MAGI2: variants seen among roughly 807,000 people sequenced by gnomAD.
MAGI2 encodes membrane associated guanylate kinase, WW and PDZ domain containing 2, also known as membrane-associated guanylate kinase, WW and PDZ domain-containing protein 2.
MAGI2 carries 35 observed loss-of-function variants against 133.3 expected under a neutral mutation model. The observed-to-expected ratio is 0.26, with a 90% CI of 0.20 to 0.35. The LOEUF is 0.35. Among genes scored for constraint, MAGI2 ranks in the 10% least tolerant of loss-of-function variants. The pLI is 1.00. For synonymous variants in MAGI2, 729 were observed against 710.6 expected (o/e 1.03, Z -0.41); for missense variants, 1,636 against 1,863.4 (o/e 0.88, Z 2.25).
At chr7:78,913,515 C>A (rs1798570515) in intron 2 of MAGI2, among the ~76,000 whole-genome samples, 1 of 152,126 alleles carries the variant, frequency 6.6e-6, no homozygotes, top group African/African-American at 2.4e-5. Flanking sequence ...AAGCTCTTTT[C>A]TTTATAAAGT....
intron 1 of MAGI2, among the ~76,000 whole-genome samples, chr7:79,281,772 T>C (rs574412068): frequency 3.9e-5 from 6 of 152,210 alleles, no homozygotes; most frequent in Non-Finnish European, 8.8e-5. Context: ...GGCAGTATCA[T>C]TTCAGCTAGT....
intron 1 of MAGI2, among the ~76,000 whole-genome samples, chr7:79,235,556 T>C (rs914758528): frequency 1.3e-5 from 2 of 152,202 alleles, no homozygotes; most frequent in Non-Finnish European, 2.9e-5. Context: ...GACCCGATTT[T>C]CCAGGTGCGT....
intron 20 of MAGI2, among the ~76,000 whole-genome samples, chr7:78,084,273 C>T (rs771524898): frequency 6.6e-6 from 1 of 152,142 alleles, no homozygotes; most frequent in Non-Finnish European, 1.5e-5. Context: ...GATCTGAGGT[C>T]ACAGGCTAAT....
chr7:78,576,417 C>T (rs1584708865), intron 3 of MAGI2, among the ~76,000 whole-genome samples: 1 of 152,174 alleles, frequency 6.6e-6, no homozygotes, highest in African/African-American at 2.4e-5. Flanking sequence ...CTCTGATTGC[C>T]TCTGGCCCTC....
Position 79,133,939 on chromosome 7 carries a change from C to A in MAGI2, c.302-126733G>T, listed in dbSNP as rs186717232. On this transcript the variant is annotated intron_variant, in intron 1 of 21. Transcript: ENST00000354212. ...TCACTTTTCAAAATACGTTGGAAAC[C>A]TTTGTCTTTATAGAGCCTCACAATT... is the stretch of plus-strand genomic sequence containing the variant. 2.9e-3 allele frequency among the ~76,000 whole-genome samples: 436 copies of A among 152,246 alleles called. 1 individual carries two copies. The highest frequency in any genetic ancestry group is 4.6e-3 in the Non-Finnish European group (312 of 68,020).
intron 1 of MAGI2, among the ~76,000 whole-genome samples, chr7:79,142,027 TG>T (rs1353802565): frequency 6.6e-6 from 1 of 152,182 alleles, no homozygotes; most frequent in African/African-American, 2.4e-5. Context: ...AAATGTTGGT[TG>T]GGTACAATAG....
At chr7:79,356,327 A>T (rs917644745) in intron 1 of MAGI2, among the ~76,000 whole-genome samples, 1 of 109,932 alleles carries the variant, frequency 9.1e-6, no homozygotes, top group African/African-American at 3.4e-5. Flanking sequence ...CGAATCTCTC[A>T]GCCCCCACAA....
rs150775721 is a variant in MAGI2, at chr7:78,337,394, C to T, written c.1408+6384G>A. Among the ~76,000 whole-genome samples, 76 of 152,298 alleles carry T rather than the reference C, an allele frequency of 5.0e-4. 1 individual carries two copies. In the East Asian group the frequency reaches 0.013, roughly 26 times the overall value. ...TTTTCTCCTGTTCTCCATACCTTCC[C>T]AGGAGTCAGTGCTGACTAAGAAAGA... On this transcript the variant is annotated intron_variant, in intron 9 of 21. Coordinates refer to ENST00000354212, the MANE Select transcript of MAGI2 (RefSeq NM_012301.4).
At chr7:79,439,104 G>A (rs559161962) in intron 1 of MAGI2, among the ~76,000 whole-genome samples, 40 of 151,918 alleles carry the variant, frequency 2.6e-4, no homozygotes, top group African/African-American at 8.7e-4. Flanking sequence ...TCCTACACAG[G>A]CAGATCATCT....
intron 1 of MAGI2, among the ~76,000 whole-genome samples, chr7:79,252,377 G>C (rs1245345161): frequency 6.6e-6 from 1 of 151,998 alleles, no homozygotes; most frequent in African/African-American, 2.4e-5. Context: ...TGATTTGTGA[G>C]AGCTAAAAAT....
intron 1 of MAGI2, among the ~76,000 whole-genome samples, chr7:79,102,013 C>T (rs1024536199): frequency 6.6e-6 from 1 of 151,854 alleles, no homozygotes; most frequent in Non-Finnish European, 1.5e-5. Flanking sequence ...TTTGTTCATA[C>T]AAAAATCTAT....
chr7:79,381,491 G>T (rs1160894062), intron 1 of MAGI2, among the ~76,000 whole-genome samples: 2 of 151,616 alleles, frequency 1.3e-5, no homozygotes, highest in Non-Finnish European at 3.0e-5. Flanking sequence ...TTCCTGCAAG[G>T]ACTAAAATGT....
intron 1 of MAGI2, among the ~76,000 whole-genome samples, chr7:79,048,331 T>A (rs886274498): frequency 1.3e-5 from 2 of 152,190 alleles, no homozygotes; most frequent in African/African-American, 2.4e-5. Flanking sequence ...GAAATAATGC[T>A]GAAATAATAT....
chr7:78,806,495 G>A (rs1339712426), intron 2 of MAGI2, among the ~76,000 whole-genome samples: 2 of 152,070 alleles, frequency 1.3e-5, no homozygotes, highest in African/African-American at 4.8e-5. Context: ...TTTTATCAAT[G>A]AGAGAATCAC....
intron 1 of MAGI2, among the ~76,000 whole-genome samples, chr7:79,401,056 T>C (rs1159889447): frequency 6.6e-6 from 1 of 152,174 alleles, no homozygotes; most frequent in Non-Finnish European, 1.5e-5. Flanking sequence ...ATATTTTTAT[T>C]ATATTTAAGT....
intron 2 of MAGI2, among the ~76,000 whole-genome samples, chr7:78,749,482 T>C (rs80174070): frequency 0.012 from 1,783 of 152,230 alleles, 44 homozygotes; most frequent in African/African-American, 0.041. Flanking sequence ...AGATGGGGAA[T>C]GTGGTTTCCA....
At chr7:78,050,051 A>G (rs1811853508) in intron 21 of MAGI2, among the ~76,000 whole-genome samples, 2 of 152,214 alleles carry the variant, frequency 1.3e-5, no homozygotes, top group African/African-American at 4.8e-5. Flanking sequence ...TGATAATGAG[A>G]GCTGTATGAT....
chr7:79,280,928 A>T (rs111485664), intron 1 of MAGI2, among the ~76,000 whole-genome samples: 1 of 6,950 alleles, frequency 1.4e-4, no homozygotes, highest in Admixed American at 1.7e-3. Context: ...CTGTCTCTGA[A>T]AAAAAAAAAA....
chr7:79,307,701 T>C lies in MAGI2; in HGVS notation c.301+145319A>G, dbSNP rs1329906067. Among the ~76,000 whole-genome samples the C allele has an allele frequency of 3.9e-5, 6 of 152,340 alleles. No homozygotes were observed. The South Asian group carries it at 8.3e-4, about 21-fold the overall frequency. The stretch of plus-strand genomic sequence containing the variant: ...GAATCCTAGATTCTTAACCTAGATA[T>C]AGCTTTTTGGTTAAAAGAATGTGGC... On this transcript the variant is annotated intron_variant, in intron 1 of 21. Coordinates refer to ENST00000354212, the MANE Select transcript of MAGI2 (RefSeq NM_012301.4).
Sources: allele counts gnomAD v4.1 joint callset (sites outside exome capture counted in the v4.1 genomes callset), GRCh38; gene constraint gnomAD v4.1.1; transcripts MANE v1.5; gene names NCBI Gene and HGNC (gene_info 2026-07-23, HGNC 2026-07-21).